The following ERBIN variants were observed in gnomAD, a reference collection of about 807,000 sequenced individuals.
ERBIN encodes densin-180-like protein.
In ERBIN, 60 loss-of-function variants were observed where a neutral mutation model predicts 158.4. The ratio of observed to expected loss-of-function variants is 0.38; its 90% CI spans 0.31 to 0.47. ERBIN has a LOEUF of 0.47. Ranked by LOEUF, ERBIN falls within the 20% of genes least tolerant of loss-of-function variation. The pLI is 0.99. For missense variants in ERBIN, 1,610 were observed against 1,648.0 expected (o/e 0.98, Z 0.40); for synonymous variants, 594 against 557.2 (o/e 1.07, Z -0.93).
intron 21 of ERBIN, among the ~76,000 whole-genome samples, chr5:66,061,498 A>G (rs10061597): frequency 0.058 from 8,777 of 152,080 alleles, 880 homozygotes; most frequent in African/African-American, 0.2. Flanking sequence ...TCTTTATCCA[A>G]TTTGCCAGTC....
chr5:66,011,069 C>T (rs567822644), intron 4 of ERBIN, among the ~76,000 whole-genome samples: 1 of 152,310 alleles, frequency 6.6e-6, no homozygotes, highest in East Asian at 1.9e-4. Context: ...TACTCCAAAG[C>T]TGAAATGTCT....
chr5:65,957,766 G>T (rs1379181396), intron 1 of ERBIN, among the ~76,000 whole-genome samples: 1 of 152,064 alleles, frequency 6.6e-6, no homozygotes, highest in Admixed American at 6.5e-5. Flanking sequence ...GGGCAGAGGG[G>T]CTCCTCACTT....
chr5:66,053,031 T>C (rs1211094601), intron 20 of ERBIN, among the ~76,000 whole-genome samples: 1 of 152,194 alleles, frequency 6.6e-6, no homozygotes, highest in African/African-American at 2.4e-5. Context: ...TAGGTTTCTC[T>C]CCATATATCT....
At chr5:66,008,693 G>A (rs745976448) in intron 4 of ERBIN, among the ~76,000 whole-genome samples, 67 of 152,022 alleles carry the variant, frequency 4.4e-4, no homozygotes, top group Middle Eastern at 6.8e-3. Flanking sequence ...TGGCTATTTC[G>A]AAATACTGTA....
intron 21 of ERBIN, among the ~76,000 whole-genome samples, chr5:66,063,617 G>A (rs552047182): frequency 9.9e-5 from 15 of 152,284 alleles, no homozygotes; most frequent in South Asian, 2.1e-4. Context: ...GAAAACACCC[G>A]TCTTCTGCGT....
At chr5:66,011,135 C>T (rs1410295975) in intron 4 of ERBIN, among the ~76,000 whole-genome samples, 2 of 152,046 alleles carry the variant, frequency 1.3e-5, no homozygotes, top group Non-Finnish European at 1.5e-5. Context: ...CATTTTAAAG[C>T]AGTTATCATA....
intron 1 of ERBIN, among the ~76,000 whole-genome samples, chr5:65,957,764 G>A (rs1467989615): frequency 6.6e-6 from 1 of 152,218 alleles, no homozygotes; most frequent in Non-Finnish European, 1.5e-5. Context: ...CCGGGCAGAG[G>A]GGCTCCTCAC....
At chr5:65,977,485 C>T (rs1248209973) in intron 1 of ERBIN, among the ~76,000 whole-genome samples, 8 of 145,788 alleles carry the variant, frequency 5.5e-5, no homozygotes, top group Middle Eastern at 3.5e-3. Flanking sequence ...TCAGACGGGG[C>T]GGCCGGGCAG....
At chr5:66,016,608 A>G (rs1167870120) in intron 7 of ERBIN, among the ~76,000 whole-genome samples, 2 of 137,990 alleles carry the variant, frequency 1.4e-5, no homozygotes, top group East Asian at 2.1e-4. Flanking sequence ...TCTTATCTTC[A>G]TGAGATCTTT....
chr5:66,025,100 T>G (rs1756094901), intron 10 of ERBIN, among the ~76,000 whole-genome samples: 1 of 152,124 alleles, frequency 6.6e-6, no homozygotes. Flanking sequence ...ATACCTGTTA[T>G]GAACTACCTT....
rs1756236367 is a variant in ERBIN at position 66,026,228 on chromosome 5, A to G, written c.1021-74A>G. On this transcript the variant is annotated intron_variant, in intron 12 of 25. Coordinates refer to ENST00000284037, the MANE Select transcript of ERBIN (RefSeq NM_001253697.2). ...TGTGAAGTATTTTTCATAACTTTCAAAAATGATGTTTTTTATATGTTGATC... is the reference window on the plus strand; with the variant it reads ...TGTGAAGTATTTTTCATAACTTTCAGAAATGATGTTTTTTATATGTTGATC... 8.5e-6 allele frequency: 8 copies of G among 938,130 alleles called. No individual in the cohort carries two copies. The South Asian group carries it at 1.5e-4, about 18-fold the overall frequency. 58.1% of individuals were successfully genotyped at this position (938,130 alleles called of 1,614,324 possible).
chr5:65,985,525 A>T (rs918798399), intron 1 of ERBIN, among the ~76,000 whole-genome samples: 2 of 152,222 alleles, frequency 1.3e-5, no homozygotes, highest in Non-Finnish European at 2.9e-5. Flanking sequence ...TTGCAATTAC[A>T]GCCAAGATTT....
intron 7 of ERBIN, among the ~76,000 whole-genome samples, chr5:66,019,402 A>G (rs1173520554): frequency 6.6e-6 from 1 of 152,200 alleles, no homozygotes; most frequent in Admixed American, 6.5e-5. Flanking sequence ...AGAACACAAA[A>G]GATGTTTTAC....
At chr5:66,038,993 C>G (rs1039913412) in intron 15 of ERBIN, among the ~76,000 whole-genome samples, 1 of 151,346 alleles carries the variant, frequency 6.6e-6, no homozygotes, top group Admixed American at 6.6e-5. Flanking sequence ...GACTAACGAG[C>G]AAATTGTTTT....
chr5:66,038,622 G>A, intron 15 of ERBIN, 140 bp downstream of exon 15: 1 of 556,204 alleles, frequency 1.8e-6, no homozygotes, highest in Non-Finnish European at 3.2e-6. Context: ...TCGAAATAAT[G>A]GAAAAATAGG....
Position 66,076,976 on chromosome 5 carries a change from TC to T in ERBIN, c.4131+28del, listed in dbSNP as rs775430173. The T allele has an allele frequency of 2.7e-5, 39 of 1,442,618 alleles. No homozygotes were observed. In the African/African-American group the frequency reaches 5.4e-4, roughly 20 times the overall value. The allele number at this position is 1,442,618 out of a possible 1,614,324, so 89.4% of individuals were successfully genotyped here. A position where few individuals can be genotyped will look rare whatever the true frequency, so the allele number is the denominator to read the frequency against. On this transcript the variant is annotated intron_variant, in intron 25 of 25. Coordinates refer to ENST00000284037, the MANE Select transcript of ERBIN (RefSeq NM_001253697.2). ...TAATTAAAATAAATCTTTTTTTTTTTCATTTTATAACACTCTAATGTTTTCA... is the reference window on the plus strand; with the variant it reads ...TAATTAAAATAAATCTTTTTTTTTTTATTTTATAACACTCTAATGTTTTCA...
intron 1 of ERBIN, among the ~76,000 whole-genome samples, chr5:65,955,161 T>A (rs1055339661): frequency 1.3e-5 from 2 of 152,164 alleles, no homozygotes; most frequent in African/African-American, 2.4e-5. Flanking sequence ...TTCGGATTTT[T>A]AAAAAATGCC....
chr5:65,947,068 A>G (rs1745849009), intron 1 of ERBIN, among the ~76,000 whole-genome samples: 1 of 152,124 alleles, frequency 6.6e-6, no homozygotes, highest in Non-Finnish European at 1.5e-5. Flanking sequence ...TAATTCTAAC[A>G]GCATCTTTTG....
At chr5:66,074,883 A>G (rs575623113) in intron 22 of ERBIN, 141 bp from the exon 23 acceptor site, 2 of 688,806 alleles carry the variant, frequency 2.9e-6, no homozygotes, top group East Asian at 5.5e-5. Flanking sequence ...AATTATAGAA[A>G]AATAGTAAGT....
Sources: allele counts gnomAD v4.1 joint callset (sites outside exome capture counted in the v4.1 genomes callset), GRCh38; gene constraint gnomAD v4.1.1; transcripts MANE v1.5; gene names NCBI Gene and HGNC (gene_info 2026-07-23, HGNC 2026-07-21).